Variants in PRXL2C observed in about 807,000 individuals in gnomAD.
The protein encoded by PRXL2C is peroxiredoxin-like 2C.
Under a neutral mutation model 24.9 loss-of-function variants are expected in PRXL2C, and 38 were observed. That is an observed-to-expected ratio of 1.53 (90% CI 1.18 to 2.00). The LOEUF is 2.00. PRXL2C is among the 30% of genes most tolerant of loss of function. PRXL2C has a pLI of 0.00. For missense variants in PRXL2C, 294 were observed against 290.9 expected, an observed-to-expected ratio of 1.01 and a Z score of -0.08; for synonymous variants, 98 against 117.2, an observed-to-expected ratio of 0.84 and a Z score of 1.06.
chr9:96,642,771 CTGATCTTG>C (rs1848136779), intron 5 of PRXL2C, among the ~76,000 whole-genome samples: 1 of 152,070 alleles, frequency 6.6e-6, no homozygotes, highest in African/African-American at 2.4e-5. Flanking sequence ...TCTTGATCTC[CTGATCTTG>C]TGATCCGCCC....
chr9:96,639,626 G>A lies in PRXL2C; in HGVS notation c.*2133C>T, dbSNP rs187081938. 11 of 152,194 alleles carry A rather than the reference G, an allele frequency of 7.2e-5. No individual in the cohort carries two copies. The East Asian group carries it at 1.9e-3, about 27-fold the overall frequency. The allele number at this position is 152,194 out of a possible 1,614,324, so 9.4% of individuals were successfully genotyped here. A position where few individuals can be genotyped will look rare whatever the true frequency, so the allele number is the denominator to read the frequency against. ...TTGAATAAAAACATTATACAAACAT[G>A]AAGATATATTCAAATATTTGAATAC... On this transcript the variant is annotated 3_prime_UTR_variant, in exon 6 of 6. Transcript: ENST00000375234.
At chr9:96,643,693 T>C (rs1588099872) in intron 5 of PRXL2C, among the ~76,000 whole-genome samples, 1 of 152,198 alleles carries the variant, frequency 6.6e-6, no homozygotes, top group African/African-American at 2.4e-5. Flanking sequence ...GGCTAATGCA[T>C]AGGATTCATT....
At chr9:96,652,030 G>C (rs974634967) in intron 2 of PRXL2C, among the ~76,000 whole-genome samples, 1 of 151,986 alleles carries the variant, frequency 6.6e-6, no homozygotes, top group Non-Finnish European at 1.5e-5. Flanking sequence ...CAAAAATACA[G>C]GCAACAAAAG....
chr9:96,655,059 C>T, intron 1 of PRXL2C, 31 bp downstream of exon 1: 1 of 1,458,458 alleles, frequency 6.9e-7, no homozygotes, highest in Non-Finnish European at 9.0e-7. Context: ...CCCTGGGCCG[C>T]GCTTCCCTTC....
chr9:96,653,727 G>T (rs546999945), intron 2 of PRXL2C, among the ~76,000 whole-genome samples: 1 of 152,132 alleles, frequency 6.6e-6, no homozygotes, highest in Admixed American at 6.5e-5. Context: ...TTTTTAAAAA[G>T]AGAATAAAAG....
chr9:96,652,999 G>A (rs958744819), intron 2 of PRXL2C, among the ~76,000 whole-genome samples: 1 of 152,052 alleles, frequency 6.6e-6, no homozygotes, highest in African/African-American at 2.4e-5. Context: ...AGGCCAAGGC[G>A]GGCAGATCAC....
chr9:96,645,811 A>AT (rs1848193164), intron 5 of PRXL2C, 82 bp downstream of exon 5: 7 of 1,422,196 alleles, frequency 4.9e-6, no homozygotes, highest in African/African-American at 1.5e-5. Flanking sequence ...AAAAAAAAAA[A>AT]GGAAAAGAAA....
intron 5 of PRXL2C, among the ~76,000 whole-genome samples, chr9:96,643,874 C>T (rs1848155124): frequency 6.6e-6 from 1 of 152,030 alleles, no homozygotes; most frequent in Admixed American, 6.6e-5. Context: ...GTGGCTCACA[C>T]CTGTAATCCC....
intron 5 of PRXL2C, among the ~76,000 whole-genome samples, chr9:96,642,632 G>T (rs1056206713): frequency 6.7e-6 from 1 of 148,402 alleles, no homozygotes; most frequent in Admixed American, 6.9e-5. Flanking sequence ...TGCAACCTCC[G>T]CCTTCTGGGT....
intron 5 of PRXL2C, among the ~76,000 whole-genome samples, chr9:96,645,111 G>A (rs146141467): frequency 0.014 from 2,050 of 150,906 alleles, 48 homozygotes; most frequent in African/African-American, 0.047. Flanking sequence ...GGGTTTCACC[G>A]TGTTAGCCAG....
intron 5 of PRXL2C, among the ~76,000 whole-genome samples, chr9:96,642,258 G>T (rs1327545581): frequency 1.3e-5 from 2 of 151,832 alleles, no homozygotes; most frequent in Non-Finnish European, 2.9e-5. Flanking sequence ...TCTAATAATA[G>T]AATAAATATA....
At chr9:96,649,065 G>A (rs756739220) in intron 4 of PRXL2C, among the ~76,000 whole-genome samples, 3 of 151,738 alleles carry the variant, frequency 2.0e-5, no homozygotes, top group African/African-American at 4.8e-5. Context: ...GAGCCACCGC[G>A]CCCAGCCCTA....
At chr9:96,653,909 C>A (rs558288942) in intron 2 of PRXL2C, among the ~76,000 whole-genome samples, 1 of 151,300 alleles carries the variant, frequency 6.6e-6, no homozygotes, top group Non-Finnish European at 1.5e-5. Context: ...GGTGCAATTT[C>A]GGCTCACTGC....
intron 4 of PRXL2C, among the ~76,000 whole-genome samples, chr9:96,649,062 C>A (rs188781767): frequency 1.3e-5 from 2 of 151,914 alleles, no homozygotes; most frequent in African/African-American, 4.8e-5. Flanking sequence ...CGTGAGCCAC[C>A]GCGCCCAGCC....
intron 5 of PRXL2C, among the ~76,000 whole-genome samples, chr9:96,643,523 G>A (rs1168877210): frequency 1.3e-5 from 2 of 152,174 alleles, no homozygotes; most frequent in Non-Finnish European, 2.9e-5. Flanking sequence ...TGGGATTACA[G>A]GTGTGAGCCA....
At position 96,641,852 on chromosome 9, in the gene PRXL2C, A is replaced by G. The variant is rs1455269179; in HGVS notation, c.588T>C (p.Asn196=). ...AGTTGATAGGTTTGTGATCCAACCT[A>G]TTCCTATCGCGGTGTATAAAATGGA... ...NNIHFIHRDR[N]RLDHKPINSV... The change falls in exon 6 of 6, where the codon AAT becomes AAC. Residue 196 remains asparagine, a synonymous_variant. Transcript: ENST00000375234. 3.2e-6 allele frequency: 5 copies of G among 1,540,186 alleles called. No individual in the cohort carries two copies. Among genetic ancestry groups the G allele is most frequent in the Non-Finnish European group, 3.5e-6 (4 of 1,129,278 alleles).
rs147571454 is a variant in PRXL2C, at chr9:96,641,861, G to A, written c.579C>T (p.Arg193=). ...GTTTGTGATCCAACCTATTCCTATCGCGGTGTATAAAATGGATGTTGTTAC... is the reference window on the plus strand; with the variant it reads ...GTTTGTGATCCAACCTATTCCTATCACGGTGTATAAAATGGATGTTGTTAC... ...GPGNNIHFIH[R]DRNRLDHKPI... is the part of the protein sequence containing the mutation. Residue 193 remains arginine (R), a synonymous_variant, in exon 6 of 6, where the codon CGC becomes CGT. Transcript: ENST00000375234. 2.4e-5 allele frequency: 36 copies of A among 1,515,980 alleles called. No homozygotes were observed. The South Asian group carries it at 2.7e-4, about 11-fold the overall frequency. 93.9% of individuals were successfully genotyped at this position (1,515,980 alleles called of 1,614,324 possible). A position where few individuals can be genotyped will look rare whatever the true frequency, so the allele number is the denominator to read the frequency against.
chr9:96,642,370 G>A (rs931350444), intron 5 of PRXL2C, among the ~76,000 whole-genome samples: 7 of 151,906 alleles, frequency 4.6e-5, no homozygotes, highest in Non-Finnish European at 7.4e-5. Flanking sequence ...CTAAAATAAG[G>A]CCTTAAAAGA....
At chr9:96,649,494 G>A (rs1248105794) in intron 4 of PRXL2C, among the ~76,000 whole-genome samples, 1 of 135,734 alleles carries the variant, frequency 7.4e-6, no homozygotes, top group Non-Finnish European at 1.5e-5. Flanking sequence ...AACCCAGGAG[G>A]TGGAGGTTGC....
Sources: allele counts gnomAD v4.1 joint callset (sites outside exome capture counted in the v4.1 genomes callset), GRCh38; gene constraint gnomAD v4.1.1; transcripts MANE v1.5; gene names NCBI Gene and HGNC (gene_info 2026-07-23, HGNC 2026-07-21).